The following PPM1B variants were observed in gnomAD, a reference collection of about 807,000 sequenced individuals.
PPM1B encodes protein phosphatase 1B.
In PPM1B, 22 loss-of-function variants were observed where a neutral mutation model predicts 43.0. The ratio of observed to expected loss-of-function variants is 0.51; its 90% confidence interval spans 0.37 to 0.73. PPM1B has a LOEUF of 0.73. Ranked by LOEUF, PPM1B falls within the 30% of genes least tolerant of loss-of-function variation. The pLI, the probability that PPM1B is intolerant of heterozygous loss-of-function variation, is 0.00. For synonymous variants in PPM1B, 217 were observed against 197.9 expected, an observed-to-expected ratio of 1.10 and a Z score of -0.81; for missense variants, 632 against 584.2, an observed-to-expected ratio of 1.08 and a Z score of -0.84.
In PPM1B at chr2:44,231,155, C is replaced by T. The variant is rs994286473; in HGVS notation, c.*437C>T. The T allele has an allele frequency of 2.1e-5, 20 of 974,986 alleles. No homozygotes were observed. The highest frequency in any genetic ancestry group is 2.3e-5 in the Non-Finnish European group (19 of 820,458). The allele number at this position is 974,986 out of a possible 1,614,324, so 60.4% of individuals were successfully genotyped here. On this transcript the variant is annotated 3_prime_UTR_variant, in exon 6 of 6. Coordinates refer to ENST00000282412, the MANE Select transcript of PPM1B (RefSeq NM_002706.6). ...TATGTTTTCTTTAATAATTTTAGTT[C>T]TTCAAAGAATGGCTGATGCTGGCCT...
intron 1 of PPM1B, among the ~76,000 whole-genome samples, chr2:44,192,734 C>T (rs1046420443): frequency 2.6e-5 from 4 of 152,172 alleles, no homozygotes; most frequent in African/African-American, 9.7e-5. Context: ...ACCACCCTCC[C>T]AGCCTCTGGT....
chr2:44,234,695 T>G (rs572284284), downstream of PPM1B: 9 of 797,134 alleles, frequency 1.1e-5, no homozygotes, highest in African/African-American at 1.9e-5. Context: ...GACCCACTTA[T>G]ACTCTTACAA....
intron 1 of PPM1B, among the ~76,000 whole-genome samples, chr2:44,174,209 AT>A (rs1420212689): frequency 6.6e-6 from 1 of 152,186 alleles, no homozygotes; most frequent in Non-Finnish European, 1.5e-5. Context: ...AAATTGATTC[AT>A]TTCTTGAAAA....
chr2:44,218,427 A>C, intron 4 of PPM1B, 53 bp from the exon 5 acceptor site: 3 of 1,367,386 alleles, frequency 2.2e-6, no homozygotes, highest in Non-Finnish European at 3.1e-6. Context: ...GATATTCACA[A>C]GCTTAAAATT....
At chr2:44,207,990 G>A (rs1401576872) in intron 2 of PPM1B, among the ~76,000 whole-genome samples, 3 of 149,984 alleles carry the variant, frequency 2.0e-5, no homozygotes, top group Non-Finnish European at 4.4e-5. Context: ...CCGGGTTCAA[G>A]TGATTCTCCT....
At chr2:44,183,961 A>T (rs911318178) in intron 1 of PPM1B, among the ~76,000 whole-genome samples, 28 of 151,972 alleles carry the variant, frequency 1.8e-4, no homozygotes, top group South Asian at 1.0e-3. Flanking sequence ...TATGGTCTCG[A>T]TCTCCTGACC....
downstream of PPM1B, among the ~76,000 whole-genome samples, chr2:44,244,995 A>C (rs1252171798): frequency 6.6e-6 from 1 of 151,960 alleles, no homozygotes; most frequent in Non-Finnish European, 1.5e-5. Context: ...ACAGTGTACA[A>C]TACTAAACTA....
chr2:44,215,755 G>C (rs1224663316), intron 3 of PPM1B, among the ~76,000 whole-genome samples: 1 of 152,160 alleles, frequency 6.6e-6, no homozygotes, highest in Non-Finnish European at 1.5e-5. Context: ...TGAGGATATA[G>C]CAGAAAAAGA....
At chr2:44,230,358 A>G (rs1037705411) in intron 5 of PPM1B, 55 bp from the exon 6 acceptor site, 6 of 1,584,002 alleles carry the variant, frequency 3.8e-6, no homozygotes, top group Admixed American at 1.9e-5. Flanking sequence ...GTTATGAAAT[A>G]CATGTGATAT....
intron 1 of PPM1B, among the ~76,000 whole-genome samples, chr2:44,178,475 T>TATATATATATATA (rs1491152402): frequency 8.4e-5 from 2 of 23,928 alleles, no homozygotes; most frequent in African/African-American, 1.1e-4. Flanking sequence ...TATATATATA[T>TATATATATATATA]TTTTTTTTTT....
chr2:44,194,278 G>A (rs773392877), intron 1 of PPM1B, among the ~76,000 whole-genome samples: 4 of 152,098 alleles, frequency 2.6e-5, no homozygotes, highest in Admixed American at 6.6e-5. Flanking sequence ...GATAGGCCTC[G>A]CTGTGGGATG....
intron 1 of PPM1B, among the ~76,000 whole-genome samples, chr2:44,186,421 C>T (rs918502062): frequency 7.9e-5 from 12 of 152,142 alleles, no homozygotes; most frequent in African/African-American, 1.9e-4. Context: ...GAGGCTGGAA[C>T]GCAGTCATAT....
chr2:44,217,764 T>G (rs1029215496), intron 3 of PPM1B: 2 of 366,188 alleles, frequency 5.5e-6, no homozygotes, highest in African/African-American at 2.1e-5. Context: ...AAATAACTGT[T>G]TTTTCTTTTT....
intron 2 of PPM1B, among the ~76,000 whole-genome samples, chr2:44,206,549 A>G (rs746909788): frequency 9.2e-5 from 14 of 152,246 alleles, no homozygotes; most frequent in Non-Finnish European, 2.1e-4. Context: ...AAAAGTATTT[A>G]TATTTTATAA....
chr2:44,180,468 G>A (rs1460562535), intron 1 of PPM1B, among the ~76,000 whole-genome samples: 2 of 152,168 alleles, frequency 1.3e-5, no homozygotes, highest in Middle Eastern at 3.2e-3. Flanking sequence ...ATCAAGGACT[G>A]CTTGTACTTA....
chr2:44,177,766 A>G (rs1241484252), intron 1 of PPM1B, among the ~76,000 whole-genome samples: 1 of 151,496 alleles, frequency 6.6e-6, no homozygotes, highest in African/African-American at 2.4e-5. Context: ...TAAGAGGTGT[A>G]TGTACATGAC....
At chr2:44,217,879 G>A in intron 3 of PPM1B, 88 bp from the exon 4 acceptor site, 1 of 667,418 alleles carries the variant, frequency 1.5e-6, no homozygotes, top group East Asian at 3.1e-5. Flanking sequence ...TTTAAAATAG[G>A]TACTACCAAA....
At chr2:44,217,164 C>G (rs947513234) in intron 3 of PPM1B, among the ~76,000 whole-genome samples, 2 of 151,986 alleles carry the variant, frequency 1.3e-5, no homozygotes, top group African/African-American at 4.8e-5. Flanking sequence ...CTTTGGGAGG[C>G]CGAGGTGGGT....
chr2:44,238,145 C>T (rs1420674633), downstream of PPM1B, among the ~76,000 whole-genome samples: 1 of 151,996 alleles, frequency 6.6e-6, no homozygotes, highest in Non-Finnish European at 1.5e-5. Context: ...TTGGGTGATC[C>T]GCCCGCCTTG....
Sources: gnomAD v4.1 joint callset for allele counts (sites outside exome capture counted in the v4.1 genomes callset) on GRCh38, gnomAD v4.1.1 for gene constraint, MANE v1.5 for transcripts, NCBI Gene and HGNC (gene_info 2026-07-23, HGNC 2026-07-21) for gene names.